The following PARD3B variants were observed in gnomAD, a reference collection of about 807,000 sequenced individuals.
PARD3B encodes par-3 family cell polarity regulator beta.
Under a neutral mutation model 130.2 loss-of-function variants are expected in PARD3B, and 103 were observed. The ratio of observed to expected loss-of-function variants is 0.79; its 90% CI spans 0.67 to 0.93. The LOEUF is 0.93. Among genes scored for constraint, PARD3B ranks in the 40% least tolerant of loss-of-function variants. The probability of loss-of-function intolerance (pLI) is 0.00; values close to 1 mark genes in which losing one functional copy is unlikely to be tolerated. For synonymous variants in PARD3B, 583 were observed against 553.2 expected, an observed-to-expected ratio of 1.05 and a Z score of -0.76; for missense variants, 1,609 against 1,499.2, an observed-to-expected ratio of 1.07 and a Z score of -1.21.
At position 204,806,203 on chromosome 2, in the gene PARD3B, C is replaced by T. The variant is rs138417063; in HGVS notation, c.222+119921C>T. Among the ~76,000 whole-genome samples, 900 of 151,952 alleles carry T rather than the reference C, an allele frequency of 5.9e-3. 6 individuals carry two copies. The highest frequency in any genetic ancestry group is 9.8e-3 in the Non-Finnish European group (668 of 67,926). Reference sequence around the variant, plus strand: ...TCAAAGACATCTGGAACAAAAAGAACAAAACTGGAGGAATCATACTACCTG... The same window carrying T: ...TCAAAGACATCTGGAACAAAAAGAATAAAACTGGAGGAATCATACTACCTG... On this transcript the variant is annotated intron_variant, in intron 2 of 22. Coordinates refer to ENST00000406610, the MANE Select transcript of PARD3B (RefSeq NM_001302769.2).
chr2:204,926,287 T>C (rs907172191), intron 2 of PARD3B, among the ~76,000 whole-genome samples: 2 of 152,134 alleles, frequency 1.3e-5, no homozygotes, highest in Admixed American at 6.5e-5. Flanking sequence ...CACTCTGTTA[T>C]CTCTTGATCT....
chr2:204,717,883 C>T (rs1048590745), intron 2 of PARD3B, among the ~76,000 whole-genome samples: 6 of 152,158 alleles, frequency 3.9e-5, no homozygotes, highest in African/African-American at 1.2e-4. Context: ...TCAATAGGTT[C>T]GTTCTCAGTT....
rs375051020 is a variant in PARD3B at position 205,047,649 on chromosome 2, G to C, written c.463G>C (p.Ala155Pro). 6.4e-7 allele frequency: 1 copy of C among 1,550,950 alleles called. No individual in the cohort carries two copies. Among genetic ancestry groups the C allele is most frequent in the East Asian group, 2.4e-5 (1 of 40,930 alleles). Residue 155 changes from alanine (A) to proline (P), a missense_variant, in exon 4 of 23, where the codon GCT becomes CCT. Physicochemically the swap from Ala to Pro is conservative, Grantham distance 27. Coordinates refer to ENST00000406610, the MANE Select transcript of PARD3B (RefSeq NM_001302769.2). ...PGPPADTQPS[A>P]SHPGGQSLKL... The stretch of plus-strand genomic sequence containing the variant: ...CCCACCTGCTGATACCCAGCCAAGC[G>C]CTTCACACCCTGGTGGCCAGAGTCT...
intron 2 of PARD3B, among the ~76,000 whole-genome samples, chr2:204,819,412 C>A (rs2043256931): frequency 6.6e-6 from 1 of 152,178 alleles, no homozygotes; most frequent in Admixed American, 6.5e-5. Context: ...AGGCAGCAAA[C>A]TTAATAAGTG....
At chr2:205,501,154 G>C (rs2160384) in intron 21 of PARD3B, among the ~76,000 whole-genome samples, 77,018 of 152,002 alleles carry the variant, frequency 0.51, 20,064 homozygotes, top group South Asian at 0.62. Flanking sequence ...ATCAGTTTCA[G>C]GATCCACCAC....
chr2:204,799,230 G>A lies in PARD3B; in HGVS notation c.222+112948G>A, dbSNP rs888993987. Among the ~76,000 whole-genome samples the A allele has an allele frequency of 1.3e-5, 2 of 152,174 alleles. No homozygotes were observed. Among genetic ancestry groups the A allele is most frequent in the African/African-American group, 4.8e-5 (2 of 41,446 alleles). ...CTCGAGGGAACATCTGCAGTAGCCA[G>A]GCAGTACTTGCCCTGGGCCTGGGTC... On this transcript the variant is annotated intron_variant, in intron 2 of 22. Coordinates refer to ENST00000406610, the MANE Select transcript of PARD3B (RefSeq NM_001302769.2). The surrounding 1 kb of genome is among the most constrained non-coding windows in gnomAD (Gnocchi z 4.1).
rs2125111145 is a variant in PARD3B, at chr2:204,606,621, T to G, written c.120+60502T>G. Among the ~76,000 whole-genome samples, 1 of 152,302 alleles carries G rather than the reference T, an allele frequency of 6.6e-6. No individual in the cohort carries two copies. The highest frequency in any genetic ancestry group is 2.1e-4 in the South Asian group (1 of 4,824). The stretch of plus-strand genomic sequence containing the variant: ...GTGTGATTCTATTATGTGCTCAGAA[T>G]AGGAGAATCAACCATTTATGAAGAA... On this transcript the variant is annotated intron_variant, in intron 1 of 22. Coordinates refer to ENST00000406610, the MANE Select transcript of PARD3B (RefSeq NM_001302769.2). This position sits in a 1 kb window ranked among gnomAD's most constrained non-coding sequence, Gnocchi z 4.0.
chr2:204,696,730 A>T (rs2037628047), intron 2 of PARD3B, among the ~76,000 whole-genome samples: 1 of 152,120 alleles, frequency 6.6e-6, no homozygotes, highest in African/African-American at 2.4e-5. Context: ...TCATGTGAAT[A>T]TGGAAACTTC....
At chr2:205,340,975 C>A (rs1041470219) in intron 18 of PARD3B, among the ~76,000 whole-genome samples, 4 of 151,888 alleles carry the variant, frequency 2.6e-5, no homozygotes, top group African/African-American at 9.7e-5. Context: ...CTACAAATGG[C>A]CAACAATTAC....
At chr2:205,073,344 G>T (rs999508034) in intron 4 of PARD3B, among the ~76,000 whole-genome samples, 30 of 152,220 alleles carry the variant, frequency 2.0e-4, no homozygotes, top group African/African-American at 7.2e-4. Context: ...GGTTCTGGTG[G>T]TGTCCTGCTG....
chr2:204,984,006 T>C (rs774059170), intron 3 of PARD3B, among the ~76,000 whole-genome samples: 24 of 151,958 alleles, frequency 1.6e-4, no homozygotes, highest in Non-Finnish European at 2.1e-4. Flanking sequence ...GAAAAAAAAA[T>C]ATGCATTTCT....
intron 15 of PARD3B, among the ~76,000 whole-genome samples, chr2:205,201,359 G>A (rs760071676): frequency 3.6e-4 from 55 of 152,236 alleles, no homozygotes; most frequent in Admixed American, 1.6e-3. Flanking sequence ...CGGAATTCTG[G>A]TTTATGGCAT....
chr2:205,456,336 T>C (rs981977905), intron 20 of PARD3B, among the ~76,000 whole-genome samples: 7 of 152,106 alleles, frequency 4.6e-5, no homozygotes, highest in East Asian at 3.9e-4. Context: ...ACCTACATGC[T>C]TTTGTGTGAA....
chr2:205,450,297 G>T (rs1274093950), intron 20 of PARD3B, among the ~76,000 whole-genome samples: 1 of 151,864 alleles, frequency 6.6e-6, no homozygotes, highest in Non-Finnish European at 1.5e-5. Context: ...AATAGGTTTG[G>T]GAACCTGTTG....
chr2:204,833,034 A>G (rs1415253851), intron 2 of PARD3B, among the ~76,000 whole-genome samples: 1 of 152,216 alleles, frequency 6.6e-6, no homozygotes, highest in Non-Finnish European at 1.5e-5. Flanking sequence ...AACATACAGA[A>G]GAAAATTTAT....
intron 1 of PARD3B, among the ~76,000 whole-genome samples, chr2:204,651,344 G>T (rs904460510): frequency 2.0e-5 from 3 of 152,212 alleles, no homozygotes; most frequent in African/African-American, 7.2e-5. Context: ...GGGAGAAATT[G>T]ACCCAAAGAA....
chr2:204,889,132 C>T (rs531168867), intron 2 of PARD3B, among the ~76,000 whole-genome samples: 1 of 152,228 alleles, frequency 6.6e-6, no homozygotes, highest in East Asian at 1.9e-4. Flanking sequence ...CATTTTGCCT[C>T]CCAGTTACTC....
rs2046396746 is a variant in PARD3B at position 204,890,183 on chromosome 2, G to T, written c.223-74969G>T. ...CTGCAATCCATCTGGCCCCTGGCTG[G>T]CAGTCTAGGCACAGTGTCAATGCTG... is the stretch of plus-strand genomic sequence containing the variant. On this transcript the variant is annotated intron_variant, in intron 2 of 22. Coordinates refer to ENST00000406610, the MANE Select transcript of PARD3B (RefSeq NM_001302769.2). This position sits in a 1 kb window ranked among gnomAD's most constrained non-coding sequence, Gnocchi z 4.9. 6.6e-6 allele frequency among the ~76,000 whole-genome samples: 1 copy of T among 152,194 alleles called. No homozygotes were observed. Among genetic ancestry groups the T allele is most frequent in the Non-Finnish European group, 1.5e-5 (1 of 68,038 alleles).
intron 18 of PARD3B, among the ~76,000 whole-genome samples, chr2:205,319,143 A>T (rs1360732277): frequency 6.6e-6 from 1 of 152,136 alleles, no homozygotes; most frequent in Non-Finnish European, 1.5e-5. Flanking sequence ...GCTTGGTATA[A>T]ATGCTTTCTA....
Sources: allele counts gnomAD v4.1 joint callset (sites outside exome capture counted in the v4.1 genomes callset), GRCh38; gene constraint gnomAD v4.1.1; non-coding constraint Gnocchi (gnomAD v3.1); transcripts MANE v1.5; gene names NCBI Gene and HGNC (gene_info 2026-07-23, HGNC 2026-07-21).